KIF26B: variants seen among roughly 807,000 people sequenced by gnomAD.
KIF26B encodes the protein kinesin family member 26B.
A neutral mutation model predicts 151.2 loss-of-function variants in KIF26B; 63 were observed. That is an observed-to-expected ratio of 0.42 (90% CI 0.34 to 0.51). The LOEUF is 0.51. Ranked by LOEUF, KIF26B falls within the 20% of genes least tolerant of loss-of-function variation. The pLI is 0.07. For synonymous variants in KIF26B, 1,357 were observed against 1,262.1 expected (o/e 1.08, Z -1.59); for missense variants, 2,813 against 2,913.6 (o/e 0.97, Z 0.79).
rs1435053482 is a variant in KIF26B at position 245,175,855 on chromosome 1, C to G, written c.465+19172C>G. Among the ~76,000 whole-genome samples, 4 of 150,868 alleles carry G rather than the reference C, an allele frequency of 2.7e-5. No individual in the cohort carries two copies. In the South Asian group the frequency reaches 8.4e-4, roughly 31 times the overall value. ...AGAAATTTTATTTTCAGAAATTTTG[C>G]CTCAATGTTTATTCCCTGTGAGACA... On this transcript the variant is annotated intron_variant, in intron 2 of 14. Coordinates refer to ENST00000407071, the MANE Select transcript of KIF26B (RefSeq NM_018012.4).
chr1:245,609,262 C>T lies in KIF26B; in HGVS notation c.1652-4C>T. On this transcript the variant is annotated splice_polypyrimidine_tract_variant and splice_region_variant and intron_variant, in intron 7 of 14. Transcript: ENST00000407071. The stretch of plus-strand genomic sequence containing the variant: ...TGCTTTTCTTCCTTCCCTGGTTCTC[C>T]CAGGAAAATCCTACACCATGATCGG... The T allele has an allele frequency of 6.3e-7, 1 of 1,590,410 alleles. No individual in the cohort carries two copies. Among genetic ancestry groups the T allele is most frequent in the South Asian group, 1.1e-5 (1 of 87,598 alleles).
chr1:245,589,427 A>G (rs1280850219), intron 5 of KIF26B, among the ~76,000 whole-genome samples: 1 of 152,146 alleles, frequency 6.6e-6, no homozygotes, highest in African/African-American at 2.4e-5. Flanking sequence ...GGCGGCACTG[A>G]GAAGGGGGCT....
At chr1:245,440,695 CT>C (rs1659058277) in intron 4 of KIF26B, among the ~76,000 whole-genome samples, 1 of 152,234 alleles carries the variant, frequency 6.6e-6, no homozygotes, top group East Asian at 1.9e-4. Flanking sequence ...CCCTTCTAGT[CT>C]GTTTCTGAAA....
At chr1:245,578,679 A>G (rs1181453182) in intron 5 of KIF26B, among the ~76,000 whole-genome samples, 1 of 152,226 alleles carries the variant, frequency 6.6e-6, no homozygotes, top group Non-Finnish European at 1.5e-5. Flanking sequence ...TCCCTTGTAT[A>G]AAGGTAAAAG....
rs1190695384 is a variant in KIF26B, at chr1:245,706,509, GT to G, written c.*3905del. On this transcript the variant is annotated 3_prime_UTR_variant, in exon 15 of 15. Coordinates refer to ENST00000407071, the MANE Select transcript of KIF26B (RefSeq NM_018012.4). Reference sequence around the variant, plus strand: ...TAGACTGTAAAATGACTAAAGATGAGTTAATTTCCAAACTAAAAAAGGAAGG... The same window carrying G: ...TAGACTGTAAAATGACTAAAGATGAGTAATTTCCAAACTAAAAAAGGAAGG... 6.6e-6 allele frequency: 1 copy of G among 152,184 alleles called. No homozygotes were observed. Among genetic ancestry groups the G allele is most frequent in the Admixed American group, 6.5e-5 (1 of 15,276 alleles). The allele number at this position is 152,184 out of a possible 1,614,324, so 9.4% of individuals were successfully genotyped here. A position where few individuals can be genotyped will look rare whatever the true frequency, so the allele number is the denominator to read the frequency against.
intron 5 of KIF26B, among the ~76,000 whole-genome samples, chr1:245,586,909 AC>A (rs1300374263): frequency 6.8e-6 from 1 of 146,922 alleles, no homozygotes; most frequent in Non-Finnish European, 1.5e-5. Context: ...AAAAAAAAAA[AC>A]ATCAAACAAT....
At chr1:245,653,641 T>C (rs2044042865) in intron 10 of KIF26B, among the ~76,000 whole-genome samples, 1 of 152,188 alleles carries the variant, frequency 6.6e-6, no homozygotes. Flanking sequence ...CCTCCCAGTT[T>C]ATCACCCCCC....
intron 4 of KIF26B, among the ~76,000 whole-genome samples, chr1:245,497,306 G>A (rs777333738): frequency 1.3e-5 from 2 of 152,126 alleles, no homozygotes; most frequent in African/African-American, 2.4e-5. Context: ...AATCAGTTAG[G>A]AGAGAAGATC....
intron 5 of KIF26B, among the ~76,000 whole-genome samples, chr1:245,580,883 A>G (rs1261788275): frequency 6.6e-6 from 1 of 152,246 alleles, no homozygotes; most frequent in Non-Finnish European, 1.5e-5. Context: ...ATGCTGTCAT[A>G]ATGGATGGAA....
rs576511236 is a variant in KIF26B at position 245,164,884 on chromosome 1, C to T, written c.465+8201C>T. ...GGTCAGGAGTTCGAGACCAGCCTGG[C>T]CAACATGGTGAAACCCCGTCTCTAC... On this transcript the variant is annotated intron_variant, in intron 2 of 14. Transcript: ENST00000407071. Among the ~76,000 whole-genome samples the T allele has an allele frequency of 1.8e-4, 27 of 152,138 alleles. No homozygotes were observed. The East Asian group carries it at 3.1e-3, about 17-fold the overall frequency.
At chr1:245,650,493 T>A (rs1254971372) in intron 10 of KIF26B, among the ~76,000 whole-genome samples, 2 of 152,226 alleles carry the variant, frequency 1.3e-5, no homozygotes, top group Non-Finnish European at 2.9e-5. Context: ...GACCACAGCT[T>A]TTCGAGACTC....
At chr1:245,455,548 C>T (rs1659498697) in intron 4 of KIF26B, among the ~76,000 whole-genome samples, 3 of 152,228 alleles carry the variant, frequency 2.0e-5, no homozygotes, top group African/African-American at 7.2e-5. Context: ...AAAAAACATA[C>T]TGCATTAGTT....
chr1:245,640,009 C>G (rs2043871571), intron 9 of KIF26B, among the ~76,000 whole-genome samples: 1 of 150,270 alleles, frequency 6.7e-6, no homozygotes, highest in Admixed American at 6.6e-5. Flanking sequence ...TCTGAGGTTT[C>G]TTTGTTGATT....
chr1:245,627,709 A>G (rs981192932), intron 9 of KIF26B, among the ~76,000 whole-genome samples: 1 of 152,164 alleles, frequency 6.6e-6, no homozygotes, highest in Non-Finnish European at 1.5e-5. Context: ...TTTTGAAAAA[A>G]AAAATTAAGG....
chr1:245,469,039 A>C (rs998539028), intron 4 of KIF26B, among the ~76,000 whole-genome samples: 3 of 152,226 alleles, frequency 2.0e-5, no homozygotes, highest in Non-Finnish European at 2.9e-5. Context: ...TTGTGTTTTA[A>C]CATCAGCTGC....
At position 245,583,793 on chromosome 1, in the gene KIF26B, G is replaced by A. The variant is rs151149356; in HGVS notation, c.1351-18784G>A. ...GGTGGCCAGTGTTCGCTTACCCAAC[G>A]AAGCATGACTTTGCATCTCCTCTAC... On this transcript the variant is annotated intron_variant, in intron 5 of 14. Coordinates refer to ENST00000407071, the MANE Select transcript of KIF26B (RefSeq NM_018012.4). Among the ~76,000 whole-genome samples, 478 of 152,318 alleles carry A rather than the reference G, an allele frequency of 3.1e-3. 6 individuals carry two copies. The highest frequency in any genetic ancestry group is 0.011 in the African/African-American group (453 of 41,560).
chr1:245,511,085 T>C, intron 4 of KIF26B: 1 of 717,098 alleles, frequency 1.4e-6, no homozygotes, highest in Non-Finnish European at 2.6e-6. Flanking sequence ...CTGCACTTGA[T>C]TATTTAGCCA....
intron 3 of KIF26B, among the ~76,000 whole-genome samples, chr1:245,415,838 G>A (rs557988250): frequency 1.4e-5 from 2 of 146,322 alleles, no homozygotes; most frequent in African/African-American, 2.5e-5. Flanking sequence ...ACACATGGTT[G>A]TTCATACGAA....
Position 245,602,819 on chromosome 1 carries a change from T to G in KIF26B, c.1557+36T>G, listed in dbSNP as rs2043411311. On this transcript the variant is annotated intron_variant, in intron 6 of 14. Coordinates refer to ENST00000407071, the MANE Select transcript of KIF26B (RefSeq NM_018012.4). The surrounding 1 kb of genome is among the most constrained non-coding windows in gnomAD (Gnocchi z 4.5). ...GCCCCCTCTCAGGCTCAGGCAACGT[T>G]GATGAAAGGGCAACGTTTACTCATT... is the stretch of plus-strand genomic sequence containing the variant. 6.3e-7 allele frequency: 1 copy of G among 1,596,326 alleles called. No homozygotes were observed. The highest frequency in any genetic ancestry group is 1.7e-5 in the Admixed American group (1 of 59,980).
Sources: allele counts gnomAD v4.1 joint callset (sites outside exome capture counted in the v4.1 genomes callset), GRCh38; gene constraint gnomAD v4.1.1; non-coding constraint Gnocchi (gnomAD v3.1); transcripts MANE v1.5; gene names NCBI Gene and HGNC (gene_info 2026-07-23, HGNC 2026-07-21).